PBRM1: variants seen among roughly 807,000 people sequenced by gnomAD.
PBRM1 encodes polybromo 1.
PBRM1 carries 27 observed loss-of-function variants against 194.5 expected under a neutral mutation model. The ratio of observed to expected loss-of-function variants is 0.14; its 90% CI spans 0.10 to 0.19. The LOEUF (loss-of-function observed/expected upper bound fraction) is 0.19, where lower values mean the gene tolerates loss of function less well. Among genes scored for constraint, PBRM1 ranks in the 10% least tolerant of loss-of-function variants. PBRM1 has a pLI of 1.00. For missense variants in PBRM1, 1,466 were observed against 2,077.2 expected (o/e 0.71, Z 5.72); for synonymous variants, 655 against 693.2 (o/e 0.94, Z 0.87).
At chr3:52,681,954 G>C (rs1158253762), upstream of PBRM1, 1 of 161,386 alleles carries the variant, frequency 6.2e-6, no homozygotes, top group African/African-American at 2.4e-5. Context: ...GAGAAAACAG[G>C]CATATCAGTT....
chr3:52,639,484 C>A (rs1250999542), intron 10 of PBRM1, among the ~76,000 whole-genome samples: 2 of 151,346 alleles, frequency 1.3e-5, no homozygotes, highest in Non-Finnish European at 1.5e-5. Flanking sequence ...GGTGGGATCA[C>A]GACTCATTGT....
exon 28 of PBRM1, chr3:52,550,789 C>A: frequency 6.2e-7 from 1 of 1,611,764 alleles, no homozygotes; most frequent in Non-Finnish European, 8.5e-7. Flanking sequence ...GAGTCCCTAC[C>A]ATAGGGGCCA....
At chr3:52,624,094 T>C (rs2095366606) in intron 13 of PBRM1, among the ~76,000 whole-genome samples, 1 of 152,214 alleles carries the variant, frequency 6.6e-6, no homozygotes, top group Non-Finnish European at 1.5e-5. Context: ...TAATCTTTCC[T>C]AAAGCTATCT....
chr3:52,548,028 T>C (rs369288473), exon 30 of PBRM1: 12 of 1,574,716 alleles, frequency 7.6e-6, no homozygotes, highest in African/African-American at 6.8e-5. Context: ...CCACAACTCT[T>C]TATGCTTCTA....
At chr3:52,572,994 A>AT (rs919715354) in intron 22 of PBRM1, among the ~76,000 whole-genome samples, 11 of 152,130 alleles carry the variant, frequency 7.2e-5, no homozygotes, top group African/African-American at 2.7e-4. Flanking sequence ...TACTAGATGC[A>AT]TTTTCTTTTG....
chr3:52,621,686 T>C (rs921826776), intron 13 of PBRM1, among the ~76,000 whole-genome samples: 46 of 152,210 alleles, frequency 3.0e-4, no homozygotes, highest in African/African-American at 1.0e-3. Flanking sequence ...TTTAAGCATA[T>C]TAAAGTATAA....
At chr3:52,559,720 C>T (rs1695591304) in intron 25 of PBRM1, among the ~76,000 whole-genome samples, 1 of 152,046 alleles carries the variant, frequency 6.6e-6, no homozygotes, top group South Asian at 2.1e-4. Context: ...TCAAAGGCCT[C>T]TTGGCTGTGA....
intron 3 of PBRM1, among the ~76,000 whole-genome samples, chr3:52,663,426 T>TGAGAG (rs1437414011): frequency 6.6e-6 from 1 of 152,208 alleles, no homozygotes; most frequent in East Asian, 1.9e-4. Context: ...ACCATGGCAC[T>TGAGAG]GAGAGGAGAG....
intron 22 of PBRM1, among the ~76,000 whole-genome samples, chr3:52,569,457 G>A (rs552308946): frequency 4.7e-4 from 71 of 152,142 alleles, no homozygotes; most frequent in African/African-American, 1.5e-3. Context: ...TGATCCGCCC[G>A]CCTTGGCTTC....
At chr3:52,598,737 T>G (rs572120894) in intron 17 of PBRM1, among the ~76,000 whole-genome samples, 3 of 152,086 alleles carry the variant, frequency 2.0e-5, no homozygotes, top group Admixed American at 6.6e-5. Flanking sequence ...TTTAAAAAAT[T>G]AGGCCAGGTG....
At chr3:52,676,509 C>T (rs2097108255) in intron 2 of PBRM1, among the ~76,000 whole-genome samples, 1 of 152,184 alleles carries the variant, frequency 6.6e-6, no homozygotes, top group South Asian at 2.1e-4. Flanking sequence ...CACCATGATT[C>T]TGAGGCCTCC....
chr3:52,682,288 C>T (rs778506352), upstream of PBRM1: 8 of 149,796 alleles, frequency 5.3e-5, no homozygotes, highest in Non-Finnish European at 1.2e-4. Flanking sequence ...AACACCCTCC[C>T]CCACAAAAAA....
At chr3:52,685,782 G>A (rs2097304578) in exon 1 of PBRM1, 2 of 276,120 alleles carry the variant, frequency 7.2e-6, no homozygotes, top group Non-Finnish European at 1.3e-5. Context: ...CCCGGCCGCG[G>A]TCACCGACCG....
chr3:52,583,991 G>T (rs1051496925), intron 20 of PBRM1, among the ~76,000 whole-genome samples: 2 of 151,902 alleles, frequency 1.3e-5, no homozygotes, highest in African/African-American at 4.8e-5. Flanking sequence ...AATACATCTG[G>T]CAGGGCAAAG....
chr3:52,591,974 C>T (rs1391913503), intron 17 of PBRM1, among the ~76,000 whole-genome samples: 1 of 148,350 alleles, frequency 6.7e-6, no homozygotes, highest in Non-Finnish European at 1.5e-5. Context: ...TTACAGGTGC[C>T]CACGACCATG....
rs578209887 is a variant in PBRM1, at chr3:52,600,764, G to A, written c.2779+2757C>T. ...AGGTATTCTTCTGCCTCAGCCTTCC[G>A]AGTAGTTGGGATTACAGGCACGCGC... On this transcript the variant is annotated intron_variant, in intron 17 of 29. Coordinates refer to ENST00000296302, the Ensembl canonical transcript of PBRM1. 6.2e-4 allele frequency among the ~76,000 whole-genome samples: 94 copies of A among 152,204 alleles called. No individual in the cohort carries two copies. The South Asian group carries it at 7.9e-3, about 13-fold the overall frequency.
intron 11 of PBRM1, among the ~76,000 whole-genome samples, chr3:52,633,196 T>A (rs2095680170): frequency 1.3e-5 from 2 of 152,210 alleles, no homozygotes; most frequent in African/African-American, 4.8e-5. Context: ...TCTGATTTTT[T>A]TTTTTAATGT....
In PBRM1 at chr3:52,629,343, C is replaced by G. The variant is rs147535506; in HGVS notation, c.1302-308G>C. ...AAGCAAACATTCTACTTGGAAAAAA[C>G]CCTAATGGAAAAATCCTAATAGTTC... On this transcript the variant is annotated intron_variant, in intron 11 of 29. Transcript: ENST00000296302. Among the ~76,000 whole-genome samples, 613 of 152,210 alleles carry G rather than the reference C, an allele frequency of 4.0e-3. 3 individuals carry two copies. The highest frequency in any genetic ancestry group is 0.023 in the South Asian group (110 of 4,820).
At chr3:52,651,778 C>T in exon 6 of PBRM1, 2 of 1,605,514 alleles carry the variant, frequency 1.2e-6, no homozygotes, top group Non-Finnish European at 1.7e-6. Flanking sequence ...GATCTATAGG[C>T]TCCTTAATTA....
Sources: allele counts gnomAD v4.1 joint callset (sites outside exome capture counted in the v4.1 genomes callset), GRCh38; gene constraint gnomAD v4.1.1; transcripts MANE v1.5; gene names NCBI Gene and HGNC (gene_info 2026-07-23, HGNC 2026-07-21).